The following CCDC170 variants were observed in gnomAD, a reference collection of about 807,000 sequenced individuals.
CCDC170 encodes the protein coiled-coil domain containing 170, also known as coiled-coil domain-containing protein 170.
A neutral mutation model predicts 72.6 loss-of-function variants in CCDC170; 69 were observed. The ratio of observed to expected loss-of-function variants is 0.95; its 90% CI spans 0.78 to 1.16. CCDC170 has a LOEUF of 1.16. Ranked by LOEUF, CCDC170 falls within the 50% of genes most tolerant of loss-of-function variation. CCDC170 has a pLI of 0.00. For missense variants in CCDC170, 852 were observed against 832.5 expected, an observed-to-expected ratio of 1.02 and a Z score of -0.29; for synonymous variants, 300 against 303.9, an observed-to-expected ratio of 0.99 and a Z score of 0.13.
At chr6:151,576,847 C>T (rs1219406461) in intron 6 of CCDC170, among the ~76,000 whole-genome samples, 2 of 152,180 alleles carry the variant, frequency 1.3e-5, no homozygotes, top group Admixed American at 6.5e-5. Flanking sequence ...GCCATGGCTA[C>T]GCACACAGTC....
chr6:151,552,932 A>G (rs906046805), intron 5 of CCDC170, among the ~76,000 whole-genome samples: 3 of 151,684 alleles, frequency 2.0e-5, no homozygotes, highest in African/African-American at 7.3e-5. Flanking sequence ...GATTACAGGC[A>G]CGTGCCACTA....
intron 1 of CCDC170, among the ~76,000 whole-genome samples, chr6:151,519,788 T>C (rs1464160267): frequency 6.6e-6 from 1 of 152,192 alleles, no homozygotes; most frequent in African/African-American, 2.4e-5. Context: ...TACAGGGTAA[T>C]AACCTGAAGT....
chr6:151,525,682 A>T (rs1212535733), intron 1 of CCDC170, among the ~76,000 whole-genome samples: 1 of 152,182 alleles, frequency 6.6e-6, no homozygotes, highest in East Asian at 1.9e-4. Flanking sequence ...TTTTGGACTC[A>T]GCCCGCCTGC....
rs188624180 is a variant in CCDC170 at position 151,504,757 on chromosome 6, C to G, written c.57+10572C>G. 5.8e-4 allele frequency among the ~76,000 whole-genome samples: 88 copies of G among 151,848 alleles called. No homozygotes were observed. In the Middle Eastern group the frequency reaches 0.01, roughly 18 times the overall value. ...TCACTAGACGGTTGGAAATGTCAGTCTCTAGTTAGAGATGCAGATTTGGGA... is the reference window on the plus strand; with the variant it reads ...TCACTAGACGGTTGGAAATGTCAGTGTCTAGTTAGAGATGCAGATTTGGGA... On this transcript the variant is annotated intron_variant, in intron 1 of 10. Transcript: ENST00000239374.
chr6:151,513,919 CAAAAAAAAAA>C (rs58387477), intron 1 of CCDC170, among the ~76,000 whole-genome samples: 2 of 51,212 alleles, frequency 3.9e-5, no homozygotes, highest in African/African-American at 1.3e-4. Context: ...GACCCTGTCT[CAAAAAAAAAA>C]AAAAAAAAAA....
At chr6:151,616,360 G>A (rs538805525) in intron 10 of CCDC170, among the ~76,000 whole-genome samples, 91 of 152,202 alleles carry the variant, frequency 6.0e-4, no homozygotes, top group African/African-American at 2.1e-3. Flanking sequence ...GAGGTCAGGC[G>A]TAAAGAAACA....
intron 7 of CCDC170, among the ~76,000 whole-genome samples, chr6:151,591,217 T>A (rs7768165): frequency 0.45 from 68,174 of 151,500 alleles, 18,069 homozygotes; most frequent in East Asian, 0.8. Flanking sequence ...ATTGCCTGAA[T>A]AAGCCAGATG....
At chr6:151,527,649 C>T (rs1183647427) in intron 1 of CCDC170, among the ~76,000 whole-genome samples, 1 of 151,928 alleles carries the variant, frequency 6.6e-6, no homozygotes, top group Non-Finnish European at 1.5e-5. Context: ...CTGGGCACCA[C>T]TGGAAGCTTG....
At chr6:151,497,107 C>T (rs1276267182) in intron 1 of CCDC170, among the ~76,000 whole-genome samples, 1 of 152,214 alleles carries the variant, frequency 6.6e-6, no homozygotes, top group Non-Finnish European at 1.5e-5. Context: ...TGGAGATTGA[C>T]CCTGCTCATA....
Position 151,499,153 on chromosome 6 carries a change from G to A in CCDC170, c.57+4968G>A, listed in dbSNP as rs367713827. ...TACTGTATTTGACTATTCTAGGCAC[G>A]CTGTATAAGTGGAATCAGACTGTAT... On this transcript the variant is annotated intron_variant, in intron 1 of 10. Coordinates refer to ENST00000239374, the MANE Select transcript of CCDC170 (RefSeq NM_025059.4). 1.4e-4 allele frequency among the ~76,000 whole-genome samples: 18 copies of A among 124,784 alleles called. 1 individual carries two copies. Among genetic ancestry groups the A allele is most frequent in the Non-Finnish European group, 2.3e-4 (14 of 61,914 alleles). The allele number at this position is 124,784 out of a possible 152,430, so 81.9% of individuals were successfully genotyped here.
chr6:151,574,599 G>T (rs111598869), intron 6 of CCDC170, among the ~76,000 whole-genome samples: 2 of 152,272 alleles, frequency 1.3e-5, no homozygotes, highest in African/African-American at 4.8e-5. Flanking sequence ...TCACAGGTCT[G>T]TAGCTAAGCC....
At chr6:151,575,556 G>A (rs1776290561) in intron 6 of CCDC170, among the ~76,000 whole-genome samples, 1 of 104,050 alleles carries the variant, frequency 9.6e-6, no homozygotes, top group Non-Finnish European at 1.8e-5. Flanking sequence ...TTGAGATGGA[G>A]TCTCGCTCTG....
Position 151,532,780 on chromosome 6 carries a change from T to C in CCDC170, c.58-3538T>C, listed in dbSNP as rs114259323. Among the ~76,000 whole-genome samples the C allele has an allele frequency of 9.4e-3, 1,428 of 152,306 alleles. 16 individuals carry two copies. Among genetic ancestry groups the C allele is most frequent in the African/African-American group, 0.033 (1,369 of 41,576 alleles). The stretch of plus-strand genomic sequence containing the variant: ...TTTTTTGGAATTTTCCAAGAAGATT[T>C]TGAATTTCATATGGGAAAATGAATA... On this transcript the variant is annotated intron_variant, in intron 1 of 10. Transcript: ENST00000239374.
intron 1 of CCDC170, among the ~76,000 whole-genome samples, chr6:151,521,789 C>T: frequency 6.6e-6 from 1 of 151,970 alleles, no homozygotes; most frequent in South Asian, 2.1e-4. Context: ...AGCGACCATC[C>T]TGGCCAACAT....
At chr6:151,574,480 G>T (rs756743132) in intron 6 of CCDC170, among the ~76,000 whole-genome samples, 2 of 152,122 alleles carry the variant, frequency 1.3e-5, no homozygotes, top group Admixed American at 6.5e-5. Flanking sequence ...TGGGGCCCAC[G>T]GTGTTTTTGA....
intron 8 of CCDC170, among the ~76,000 whole-genome samples, chr6:151,594,435 A>G (rs949319657): frequency 2.0e-5 from 3 of 152,210 alleles, no homozygotes; most frequent in African/African-American, 7.2e-5. Context: ...CTCCACTACC[A>G]TATCTTGAGG....
chr6:151,544,547 G>T, intron 3 of CCDC170, 25 bp from the exon 4 acceptor site: 1 of 1,597,838 alleles, frequency 6.3e-7, no homozygotes, highest in South Asian at 1.1e-5. Context: ...GTTAAATTCT[G>T]ACTTATTTGT....
At chr6:151,607,320 T>G in intron 9 of CCDC170, among the ~76,000 whole-genome samples, 1 of 152,210 alleles carries the variant, frequency 6.6e-6, no homozygotes, top group Middle Eastern at 3.2e-3. Context: ...TCCTTTCATT[T>G]TGGTAATTGT....
chr6:151,558,663 A>G (rs975767291), intron 5 of CCDC170, among the ~76,000 whole-genome samples: 10 of 152,152 alleles, frequency 6.6e-5, no homozygotes, highest in African/African-American at 1.7e-4. Context: ...TTTTACCGCA[A>G]TGTATATGCT....
Sources: gnomAD v4.1 joint callset for allele counts (sites outside exome capture counted in the v4.1 genomes callset) on GRCh38, gnomAD v4.1.1 for gene constraint, MANE v1.5 for transcripts, NCBI Gene and HGNC (gene_info 2026-07-23, HGNC 2026-07-21) for gene names.